The following CARS1 variants were observed in gnomAD, a reference collection of about 807,000 sequenced individuals.
CARS1 encodes cysteinyl-tRNA synthetase 1.
CARS1 carries 48 observed loss-of-function variants against 106.2 expected under a neutral mutation model. The observed-to-expected ratio is 0.45, with a 90% CI of 0.36 to 0.57. The LOEUF (loss-of-function observed/expected upper bound fraction) is 0.57, where lower values mean the gene tolerates loss of function less well. Among genes scored for constraint, CARS1 ranks in the 20% least tolerant of loss-of-function variants. The pLI, the probability that CARS1 is intolerant of heterozygous loss-of-function variation, is 0.00. For missense variants in CARS1, 968 were observed against 1,057.2 expected (o/e 0.92, Z 1.17); for synonymous variants, 409 against 403.4 (o/e 1.01, Z -0.17).
At position 3,029,123 on chromosome 11, in the gene CARS1, T is replaced by C. The variant is rs1484474067; in HGVS notation, c.943-39A>G. On this transcript the variant is annotated intron_variant, in intron 8 of 22. Transcript: ENST00000380525. The surrounding 1 kb of genome is among the most constrained non-coding windows in gnomAD (Gnocchi z 5.9). ...GAGAATGTCCTGGGATTTTCCCTTC[T>C]GAAAACCACGCGCTCCATAAAAACG... The C allele has an allele frequency of 2.6e-6, 4 of 1,528,342 alleles. No homozygotes were observed. The highest frequency in any genetic ancestry group is 3.6e-6 in the Non-Finnish European group (4 of 1,102,240). 94.7% of individuals were successfully genotyped at this position (1,528,342 alleles called of 1,614,324 possible).
intron 17 of CARS1, among the ~76,000 whole-genome samples, chr11:3,012,883 C>CTT: frequency 6.8e-6 from 1 of 146,240 alleles, no homozygotes; most frequent in African/African-American, 2.6e-5. Flanking sequence ...ACTATATTTC[C>CTT]CTTTTTTTTT....
At chr11:3,035,230 A>T (rs1190049649) in intron 7 of CARS1, among the ~76,000 whole-genome samples, 1 of 152,210 alleles carries the variant, frequency 6.6e-6, no homozygotes, top group Non-Finnish European at 1.5e-5. Flanking sequence ...ATGATACAAA[A>T]CAGTAAGAAA....
At chr11:3,012,660 A>G (rs1434385988) in intron 17 of CARS1, among the ~76,000 whole-genome samples, 1 of 152,192 alleles carries the variant, frequency 6.6e-6, no homozygotes, top group Non-Finnish European at 1.5e-5. Context: ...TAAGGAGCCC[A>G]AGGACATCAC....
chr11:3,029,686 G>A lies in CARS1; in HGVS notation c.802-243C>T, dbSNP rs1263229684. The stretch of plus-strand genomic sequence containing the variant: ...GAGGAGCAAAGCCAAGGGGACTGTG[G>A]GTGCAGAGGCAAAAAGAGGTGGGAG... On this transcript the variant is annotated intron_variant, in intron 7 of 22. Coordinates refer to ENST00000380525, the MANE Select transcript of CARS1 (RefSeq NM_001014437.3). The surrounding 1 kb of genome is among the most constrained non-coding windows in gnomAD (Gnocchi z 5.9). The A allele has an allele frequency of 3.8e-6, 2 of 523,472 alleles. No individual in the cohort carries two copies. The highest frequency in any genetic ancestry group is 6.7e-6 in the Non-Finnish European group (2 of 296,924). 32.4% of individuals were successfully genotyped at this position (523,472 alleles called of 1,614,324 possible).
Position 3,022,322 on chromosome 11 carries a change from G to A in CARS1, c.1154-1990C>T, listed in dbSNP as rs574715028. 3.3e-5 allele frequency among the ~76,000 whole-genome samples: 5 copies of A among 152,278 alleles called. No homozygotes were observed. The highest frequency in any genetic ancestry group is 4.8e-5 in the African/African-American group (2 of 41,548). On this transcript the variant is annotated intron_variant, in intron 10 of 22. Coordinates refer to ENST00000380525, the MANE Select transcript of CARS1 (RefSeq NM_001014437.3). The surrounding 1 kb of genome is among the most constrained non-coding windows in gnomAD (Gnocchi z 4.9). ...AAGACCTGCACCAAGGAACTGACTC[G>A]TCGCAGAAATGTGGTTTACCTCCCT...
At position 3,001,033 on chromosome 11, in the gene CARS1, A is replaced by C; in HGVS notation, c.*81T>G. The C allele has an allele frequency of 6.7e-7, 1 of 1,502,458 alleles. No individual in the cohort carries two copies. Among genetic ancestry groups the C allele is most frequent in the African/African-American group, 1.4e-5 (1 of 72,934 alleles). 93.1% of individuals were successfully genotyped at this position (1,502,458 alleles called of 1,614,324 possible). On this transcript the variant is annotated 3_prime_UTR_variant, in exon 23 of 23. Transcript: ENST00000380525. ...GGACCCAAGGGTGACTGTAAACATGATAGGAGCGCTGGGACATTGTCACTG... is the reference window on the plus strand; with the variant it reads ...GGACCCAAGGGTGACTGTAAACATGCTAGGAGCGCTGGGACATTGTCACTG...
At chr11:3,007,568 G>A (rs1274497206) in intron 18 of CARS1, 6 of 152,682 alleles carry the variant, frequency 3.9e-5, no homozygotes, top group African/African-American at 1.2e-4. Context: ...CTGTAAAGGC[G>A]GGGCTGAGCG....
Position 3,017,068 on chromosome 11 carries a change from A to C in CARS1, c.1917+38T>G. 6.4e-7 allele frequency: 1 copy of C among 1,573,152 alleles called. No homozygotes were observed. The highest frequency in any genetic ancestry group is 1.1e-5 in the South Asian group (1 of 87,784). ...CCTGGGGCCTGGCTCCTGTGTCCAC[A>C]CAGGCTGAGGGATACGCCTGCCTGG... is the stretch of plus-strand genomic sequence containing the variant. On this transcript the variant is annotated intron_variant, in intron 16 of 22. Transcript: ENST00000380525. The surrounding 1 kb of genome is among the most constrained non-coding windows in gnomAD (Gnocchi z 4.9).
At position 3,041,363 on chromosome 11, in the gene CARS1, C is replaced by T. The variant is rs542216787; in HGVS notation, c.367-379G>A. 9.7e-6 allele frequency: 2 copies of T among 206,692 alleles called. No homozygotes were observed. Among genetic ancestry groups the T allele is most frequent in the East Asian group, 1.4e-4 (1 of 7,084 alleles). 12.8% of individuals were successfully genotyped at this position (206,692 alleles called of 1,614,324 possible). A position where few individuals can be genotyped will look rare whatever the true frequency, so the allele number is the denominator to read the frequency against. ...AGCTAAATATTCAATATGCAGTACA[C>T]TCTAGGACGTAGGTTATGTCATTTT... On this transcript the variant is annotated intron_variant, in intron 3 of 22. Coordinates refer to ENST00000380525, the MANE Select transcript of CARS1 (RefSeq NM_001014437.3). This position sits in a 1 kb window ranked among gnomAD's most constrained non-coding sequence, Gnocchi z 4.9.
intron 10 of CARS1, among the ~76,000 whole-genome samples, chr11:3,025,780 T>C (rs1478504032): frequency 2.0e-5 from 3 of 152,208 alleles, no homozygotes; most frequent in East Asian, 1.9e-4. Context: ...TAATTCTGCC[T>C]GGTCTAGAAA....
Position 3,017,823 on chromosome 11 carries a change from G to T in CARS1, c.1727+34C>A. The T allele has an allele frequency of 6.9e-7, 1 of 1,450,066 alleles. No individual in the cohort carries two copies. Among genetic ancestry groups the T allele is most frequent in the East Asian group, 2.3e-5 (1 of 44,136 alleles). The allele number at this position is 1,450,066 out of a possible 1,614,324, so 89.8% of individuals were successfully genotyped here. On this transcript the variant is annotated intron_variant, in intron 15 of 22. Coordinates refer to ENST00000380525, the MANE Select transcript of CARS1 (RefSeq NM_001014437.3). The surrounding 1 kb of genome is among the most constrained non-coding windows in gnomAD (Gnocchi z 4.9). The stretch of plus-strand genomic sequence containing the variant: ...GAGGCTAGGCATAGAACATGGGCAT[G>T]CTCAAAAACCCCAAAGAAATGGCAC...
In CARS1 at chr11:3,020,287, G is replaced by A; in HGVS notation, c.1199C>T (p.Pro400Leu). 1 of 1,614,084 alleles carries A rather than the reference G, an allele frequency of 6.2e-7. No homozygotes were observed. ...GGCCTTCCATAAGGCAAAGTCGTTG[G>A]GAGAGCGCTTCTCACTCAGGCGGTC... ...SADRLSEKRS[P>L]NDFALWKASK... Residue 400 changes from proline (P) to leucine (L), a missense_variant, in exon 11 of 23, where the codon CCC (proline) becomes CTC (leucine). Coordinates refer to ENST00000380525, the MANE Select transcript of CARS1 (RefSeq NM_001014437.3). This position sits in a 1 kb window ranked among gnomAD's most constrained non-coding sequence, Gnocchi z 4.6.
chr11:3,013,437 C>A (rs1226741976), intron 17 of CARS1, among the ~76,000 whole-genome samples: 1 of 152,200 alleles, frequency 6.6e-6, no homozygotes, highest in Non-Finnish European at 1.5e-5. Flanking sequence ...CAGGCGTGAG[C>A]CACCATGCTG....
chr11:3,042,312 T>C, intron 2 of CARS1, 56 bp from the exon 3 acceptor site: 1 of 1,330,738 alleles, frequency 7.5e-7, no homozygotes, highest in Non-Finnish European at 1.1e-6. Context: ...GAAGTGCAAG[T>C]CGCCTCTTCA....
Position 3,017,733 on chromosome 11 carries a change from G to A in CARS1, c.1727+124C>T. 1.5e-6 allele frequency: 1 copy of A among 662,616 alleles called. No homozygotes were observed. Among genetic ancestry groups the A allele is most frequent in the Non-Finnish European group, 2.7e-6 (1 of 372,950 alleles). 41.0% of individuals were successfully genotyped at this position (662,616 alleles called of 1,614,324 possible). ...GAGCCGCCTATCCTGAATTAATTCT[G>A]CACAACGTACGACAGTGTCCCCAGC... is the stretch of plus-strand genomic sequence containing the variant. On this transcript the variant is annotated intron_variant, in intron 15 of 22. Transcript: ENST00000380525. The surrounding 1 kb of genome is among the most constrained non-coding windows in gnomAD (Gnocchi z 4.9).
rs1000185473 is a variant in CARS1, at chr11:3,017,282, T to C, written c.1741A>G (p.Lys581Glu). ...CAGAGGGCTTTGTGAATTGCTGTCT[T>C]CTTGTCATAAAAGCTGAGCAACAAA... ...AELNKNFYDK[K>E]TAIHKALCDN... The change falls in exon 16 of 23, where the codon AAG becomes GAG. Residue 581 changes from lysine to glutamate, a missense_variant. Lys to Glu is a moderately conservative substitution (Grantham distance 56, BLOSUM62 1). Coordinates refer to ENST00000380525, the MANE Select transcript of CARS1 (RefSeq NM_001014437.3). The surrounding 1 kb of genome is among the most constrained non-coding windows in gnomAD (Gnocchi z 4.9). 9 of 1,613,162 alleles carry C rather than the reference T, an allele frequency of 5.6e-6. No homozygotes were observed. The highest frequency in any genetic ancestry group is 6.8e-6 in the Non-Finnish European group (8 of 1,179,298).
Position 3,003,232 on chromosome 11 carries a change from G to A in CARS1, c.2218-632C>T, listed in dbSNP as rs2239898. 0.28 allele frequency among the ~76,000 whole-genome samples: 42,373 copies of A among 152,162 alleles called. 7,068 individuals are homozygous for A. Among genetic ancestry groups the A allele is most frequent in the East Asian group, 0.63 (3,252 of 5,164 alleles). On this transcript the variant is annotated intron_variant, in intron 20 of 22. Transcript: ENST00000380525. This position sits in a 1 kb window ranked among gnomAD's most constrained non-coding sequence, Gnocchi z 4.8. Reference sequence around the variant, plus strand: ...GAGGTTCTGGCCTGAGCCATTGCACGAACAGACATGCCCTCCACTGACGGA... The same window carrying A: ...GAGGTTCTGGCCTGAGCCATTGCACAAACAGACATGCCCTCCACTGACGGA...
chr11:3,047,161 C>T (rs1855173451), intron 2 of CARS1, among the ~76,000 whole-genome samples: 1 of 151,540 alleles, frequency 6.6e-6, no homozygotes, highest in East Asian at 1.9e-4. Flanking sequence ...CCTACAGTCC[C>T]AGCTACTCGG....
chr11:3,057,207 C>A, intron 1 of CARS1, 136 bp downstream of exon 1: 1 of 766,546 alleles, frequency 1.3e-6, no homozygotes, highest in South Asian at 1.6e-5. Context: ...GCCCCTCAGA[C>A]CACGGACACA....
Sources: gnomAD v4.1 joint callset for allele counts (sites outside exome capture counted in the v4.1 genomes callset) on GRCh38, gnomAD v4.1.1 for gene constraint, Gnocchi (gnomAD v3.1) non-coding constraint, MANE v1.5 for transcripts, NCBI Gene and HGNC (gene_info 2026-07-23, HGNC 2026-07-21) for gene names.